Variants in KIAA1328 observed in about 807,000 individuals in gnomAD.
The protein encoded by KIAA1328 is protein hinderin.
A neutral mutation model predicts 68.1 loss-of-function variants in KIAA1328; 52 were observed. The observed-to-expected ratio is 0.76, with a 90% CI of 0.61 to 0.96. The LOEUF (loss-of-function observed/expected upper bound fraction) is 0.96, where lower values mean the gene tolerates loss of function less well. Ranked by LOEUF, KIAA1328 falls within the 40% of genes least tolerant of loss-of-function variation. The pLI is 0.00. For missense variants in KIAA1328, 641 were observed against 677.6 expected, an observed-to-expected ratio of 0.95 and a Z score of 0.60; for synonymous variants, 232 against 239.4, an observed-to-expected ratio of 0.97 and a Z score of 0.28.
chr18:36,891,866 T>C (rs1221711482), intron 5 of KIAA1328, among the ~76,000 whole-genome samples: 2 of 152,214 alleles, frequency 1.3e-5, no homozygotes, highest in African/African-American at 4.8e-5. Flanking sequence ...ACATTAGTAA[T>C]ATTACATTAG....
intron 6 of KIAA1328, among the ~76,000 whole-genome samples, chr18:37,040,022 A>G (rs1164440943): frequency 6.6e-6 from 1 of 152,114 alleles, no homozygotes; most frequent in East Asian, 1.9e-4. Flanking sequence ...GGCTGCACAC[A>G]TTTCTCTACA....
chr18:36,862,361 A>C (rs943178137), intron 4 of KIAA1328, among the ~76,000 whole-genome samples: 1 of 152,140 alleles, frequency 6.6e-6, no homozygotes, highest in Non-Finnish European at 1.5e-5. Context: ...TTTCTTTCCT[A>C]TCTGCCTTCT....
intron 6 of KIAA1328, among the ~76,000 whole-genome samples, chr18:37,056,674 G>A (rs978205096): frequency 7.2e-5 from 11 of 151,790 alleles, no homozygotes; most frequent in Non-Finnish European, 1.5e-4. Context: ...TTTTTGAAAT[G>A]GAGTCTCCCT....
At chr18:36,899,841 T>G (rs1044416674) in intron 5 of KIAA1328, among the ~76,000 whole-genome samples, 1 of 151,994 alleles carries the variant, frequency 6.6e-6, no homozygotes, top group African/African-American at 2.4e-5. Flanking sequence ...AGGTGCTAGC[T>G]AAATTTTAAT....
chr18:37,049,302 A>G (rs1292636018), intron 6 of KIAA1328, among the ~76,000 whole-genome samples: 3 of 152,228 alleles, frequency 2.0e-5, no homozygotes. Flanking sequence ...CTGGGGACAT[A>G]GGAAAACCAC....
intron 6 of KIAA1328, among the ~76,000 whole-genome samples, chr18:37,032,501 G>A (rs1282876369): frequency 6.6e-6 from 1 of 151,072 alleles, no homozygotes; most frequent in Admixed American, 6.6e-5. Flanking sequence ...AGTTCTTCTG[G>A]AATAACTTTT....
chr18:37,167,455 A>G (rs1319070837), intron 8 of KIAA1328, among the ~76,000 whole-genome samples: 1 of 152,078 alleles, frequency 6.6e-6, no homozygotes, highest in Non-Finnish European at 1.5e-5. Context: ...ATGGGGTGTC[A>G]GAAGGGGGAT....
chr18:36,905,490 T>C (rs2049186857), intron 5 of KIAA1328, among the ~76,000 whole-genome samples: 1 of 152,192 alleles, frequency 6.6e-6, no homozygotes, highest in Non-Finnish European at 1.5e-5. Context: ...ATTTTTGTTA[T>C]TCCTTCTGTC....
rs570943132 is a variant in KIAA1328, at chr18:36,992,823, G to A, written c.576+33388G>A. Among the ~76,000 whole-genome samples, 21 of 152,286 alleles carry A rather than the reference G, an allele frequency of 1.4e-4. No individual in the cohort carries two copies. In the South Asian group the frequency reaches 4.3e-3, roughly 32 times the overall value. ...GGTACTTAAAATTTAATAAAAACAGGCCAGGTGTGATGGCTCATGCCTGTA... is the reference window on the plus strand; with the variant it reads ...GGTACTTAAAATTTAATAAAAACAGACCAGGTGTGATGGCTCATGCCTGTA... On this transcript the variant is annotated intron_variant, in intron 6 of 9. Transcript: ENST00000280020.
rs138351231 is a variant in KIAA1328 at position 37,046,384 on chromosome 18, G to A, written c.577-20506G>A. ...TGGCTTTTCATCTAAGAATAAACGT[G>A]AAAGCCTTGGGTTTTTGAACAGGTT... On this transcript the variant is annotated intron_variant, in intron 6 of 9. Transcript: ENST00000280020. Among the ~76,000 whole-genome samples the A allele has an allele frequency of 1.1e-4, 16 of 152,238 alleles. No individual in the cohort carries two copies. In the East Asian group the frequency reaches 2.7e-3, roughly 26 times the overall value.
chr18:37,101,160 G>A (rs975574671), intron 7 of KIAA1328, among the ~76,000 whole-genome samples: 3 of 152,164 alleles, frequency 2.0e-5, no homozygotes, highest in African/African-American at 7.2e-5. Context: ...GAACAAAGCT[G>A]GATGATGAAT....
chr18:37,120,797 C>CA (rs995921091), intron 7 of KIAA1328, among the ~76,000 whole-genome samples: 44 of 151,546 alleles, frequency 2.9e-4, no homozygotes, highest in African/African-American at 9.7e-4. Flanking sequence ...CAGAGAAAAC[C>CA]AAAAAAATGG....
intron 5 of KIAA1328, among the ~76,000 whole-genome samples, chr18:36,889,719 A>T (rs2048618586): frequency 6.6e-6 from 1 of 152,240 alleles, no homozygotes; most frequent in Admixed American, 6.5e-5. Context: ...TAGTCTAAGT[A>T]GCCACTGAAT....
intron 9 of KIAA1328, among the ~76,000 whole-genome samples, chr18:37,220,161 C>T (rs900049571): frequency 6.6e-6 from 1 of 152,146 alleles, no homozygotes; most frequent in East Asian, 1.9e-4. Context: ...AAAGATTTAA[C>T]TCTTCATACA....
At chr18:37,176,685 C>T (rs547762651) in intron 9 of KIAA1328, among the ~76,000 whole-genome samples, 2 of 152,300 alleles carry the variant, frequency 1.3e-5, no homozygotes, top group East Asian at 3.9e-4. Context: ...TTCTGAACAC[C>T]TCAGGGTAGG....
chr18:36,829,479 C>G, intron 1 of KIAA1328: 1 of 1,229,460 alleles, frequency 8.1e-7, no homozygotes, highest in Non-Finnish European at 1.0e-6. Flanking sequence ...AGGCTCAGTC[C>G]AGGGCTGAGA....
At chr18:37,136,673 A>G (rs1352071550) in intron 7 of KIAA1328, among the ~76,000 whole-genome samples, 1 of 152,200 alleles carries the variant, frequency 6.6e-6, no homozygotes, top group African/African-American at 2.4e-5. Flanking sequence ...CCCTTAGGAA[A>G]CTAATCATGT....
intron 7 of KIAA1328, among the ~76,000 whole-genome samples, chr18:37,114,001 T>G (rs1434326033): frequency 6.6e-6 from 1 of 152,118 alleles, no homozygotes; most frequent in African/African-American, 2.4e-5. Flanking sequence ...GTACCCAGAT[T>G]CATAAAGCAA....
intron 3 of KIAA1328, among the ~76,000 whole-genome samples, chr18:36,842,015 G>A (rs1332076253): frequency 6.6e-6 from 1 of 150,986 alleles, no homozygotes; most frequent in African/African-American, 2.4e-5. Flanking sequence ...ACCGTCTCGG[G>A]GTTTAGTCAG....
Sources: gnomAD v4.1 joint callset for allele counts (sites outside exome capture counted in the v4.1 genomes callset) on GRCh38, gnomAD v4.1.1 for gene constraint, MANE v1.5 for transcripts, NCBI Gene and HGNC (gene_info 2026-07-23, HGNC 2026-07-21) for gene names.